MRPL48: variants seen among roughly 807,000 people sequenced by gnomAD.
The protein encoded by MRPL48 is large ribosomal subunit protein mL48.
MRPL48 carries 16 observed loss-of-function variants against 32.9 expected under a neutral mutation model. That is an observed-to-expected ratio of 0.49 (90% CI 0.33 to 0.74). MRPL48 has a LOEUF of 0.74. MRPL48 is among the 30% of genes least tolerant of loss of function. The probability of loss-of-function intolerance (pLI) is 0.02; values close to 1 mark genes in which losing one functional copy is unlikely to be tolerated. For missense variants in MRPL48, 206 were observed against 245.3 expected (o/e 0.84, Z 1.07); for synonymous variants, 94 against 89.2 (o/e 1.05, Z -0.31).
intron 4 of MRPL48, among the ~76,000 whole-genome samples, chr11:73,838,281 T>C (rs1196963331): frequency 1.3e-5 from 2 of 152,208 alleles, no homozygotes; most frequent in African/African-American, 4.8e-5. Flanking sequence ...CATCTGGTAT[T>C]ATATGCAGTT....
At chr11:73,833,891 CTG>C (rs1195740465) in intron 4 of MRPL48, among the ~76,000 whole-genome samples, 1 of 152,130 alleles carries the variant, frequency 6.6e-6, no homozygotes, top group Non-Finnish European at 1.5e-5. Context: ...TGGGCTCACT[CTG>C]TCATCTAGGC....
chr11:73,852,673 T>C (rs1315013715), intron 5 of MRPL48, among the ~76,000 whole-genome samples: 1 of 152,178 alleles, frequency 6.6e-6, no homozygotes, highest in Non-Finnish European at 1.5e-5. Context: ...ACAACCATTA[T>C]GGAGAACAGT....
intron 5 of MRPL48, among the ~76,000 whole-genome samples, chr11:73,856,572 A>T (rs1948484942): frequency 2.0e-5 from 3 of 152,178 alleles, no homozygotes. Flanking sequence ...TCCAAGCCTG[A>T]AGTTGAACCA....
At chr11:73,834,003 C>T (rs778486366) in intron 4 of MRPL48, among the ~76,000 whole-genome samples, 16 of 151,958 alleles carry the variant, frequency 1.1e-4, no homozygotes, top group South Asian at 2.1e-4. Context: ...ATTATAGGTG[C>T]GCCCCACCAC....
chr11:73,836,822 C>G (rs1424613503), intron 4 of MRPL48, among the ~76,000 whole-genome samples: 1 of 152,124 alleles, frequency 6.6e-6, no homozygotes, highest in African/African-American at 2.4e-5. Flanking sequence ...GAAACTGAGG[C>G]CTAGAAAGGT....
rs66515925 is a variant in MRPL48 at position 73,825,284 on chromosome 11, ATGTGTGTGTG to A, written c.113-394_113-385del. ...CTTACTGTTACCTTGTTTTTTATAT[ATGTGTGTGTG>A]TGTGTGTGTGTGTGTGTGTGTGTGT... On this transcript the variant is annotated intron_variant, in intron 3 of 7. Coordinates refer to ENST00000310614, the MANE Select transcript of MRPL48 (RefSeq NM_016055.6). Among the ~76,000 whole-genome samples, 29 of 139,914 alleles carry A rather than the reference ATGTGTGTGTG, an allele frequency of 2.1e-4. 2 individuals carry two copies. Among genetic ancestry groups the A allele is most frequent in the Admixed American group, 1.2e-3 (17 of 13,734 alleles). 91.8% of individuals were successfully genotyped at this position (139,914 alleles called of 152,430 possible).
intron 3 of MRPL48, among the ~76,000 whole-genome samples, chr11:73,817,003 A>AT (rs1005809465): frequency 5.5e-5 from 8 of 145,304 alleles, no homozygotes; most frequent in African/African-American, 7.6e-5. Context: ...TTGTTTTTGT[A>AT]TTTTTTTTAA....
chr11:73,832,096 C>G (rs1948007732), intron 4 of MRPL48, among the ~76,000 whole-genome samples: 1 of 152,014 alleles, frequency 6.6e-6, no homozygotes, highest in South Asian at 2.1e-4. Flanking sequence ...TGAAAATTGC[C>G]AAGAGAAAGA....
intron 1 of MRPL48, chr11:73,801,973 T>A (rs965585222): frequency 6.6e-6 from 1 of 152,180 alleles, no homozygotes; most frequent in African/African-American, 2.4e-5. Context: ...GCTCTGAGGA[T>A]CTCTTGGTTT....
At chr11:73,828,445 C>T (rs1031788008) in intron 4 of MRPL48, among the ~76,000 whole-genome samples, 3 of 151,998 alleles carry the variant, frequency 2.0e-5, no homozygotes, top group African/African-American at 7.2e-5. Flanking sequence ...AGACTGGTCT[C>T]AAACTCCTGA....
chr11:73,800,263 G>A (rs973329862), intron 1 of MRPL48, among the ~76,000 whole-genome samples: 17 of 151,828 alleles, frequency 1.1e-4, no homozygotes, highest in African/African-American at 3.9e-4. Flanking sequence ...AAATTAAAAA[G>A]ACAAATAGTA....
At chr11:73,815,062 A>G (rs1947639779) in intron 3 of MRPL48, among the ~76,000 whole-genome samples, 1 of 152,154 alleles carries the variant, frequency 6.6e-6, no homozygotes, top group African/African-American at 2.4e-5. Flanking sequence ...GTGGAGCATG[A>G]ATATAGTTTC....
chr11:73,829,756 G>A (rs1440625151), intron 4 of MRPL48, among the ~76,000 whole-genome samples: 1 of 151,582 alleles, frequency 6.6e-6, no homozygotes, highest in Non-Finnish European at 1.5e-5. Flanking sequence ...TCATCTGAGT[G>A]TTTTTATTGT....
chr11:73,840,747 A>C (rs1357152559), intron 4 of MRPL48, among the ~76,000 whole-genome samples: 1 of 151,910 alleles, frequency 6.6e-6, no homozygotes, highest in Non-Finnish European at 1.5e-5. Flanking sequence ...TGATGCACCC[A>C]CCTCGGCCTC....
intron 4 of MRPL48, among the ~76,000 whole-genome samples, chr11:73,836,388 G>A (rs1302332243): frequency 1.3e-5 from 2 of 152,112 alleles, no homozygotes; most frequent in East Asian, 1.9e-4. Flanking sequence ...TAGTAGAGAC[G>A]GGTTTTCACC....
At chr11:73,807,631 CTT>C (rs777408873) in intron 2 of MRPL48, among the ~76,000 whole-genome samples, 62 of 106,808 alleles carry the variant, frequency 5.8e-4, no homozygotes, top group African/African-American at 2.2e-3. Context: ...GTATTATTAT[CTT>C]TTTTTTTTTT....
chr11:73,832,180 C>T (rs756982460), intron 4 of MRPL48, among the ~76,000 whole-genome samples: 63 of 152,216 alleles, frequency 4.1e-4, no homozygotes, highest in Non-Finnish European at 7.9e-4. Context: ...GGCCTTGGAG[C>T]AAGAGAGTTA....
At chr11:73,846,937 GC>G (rs1948303197) in intron 5 of MRPL48, among the ~76,000 whole-genome samples, 1 of 151,214 alleles carries the variant, frequency 6.6e-6, no homozygotes, top group Admixed American at 6.6e-5. Context: ...TAGAGATGGG[GC>G]CTCACTTTGT....
At chr11:73,792,705 C>T (rs549558323) in intron 1 of MRPL48, among the ~76,000 whole-genome samples, 2 of 152,270 alleles carry the variant, frequency 1.3e-5, no homozygotes, top group Admixed American at 1.3e-4. Context: ...AGACCACAGG[C>T]CCTGGAGGAG....
Sources: allele counts gnomAD v4.1 joint callset (sites outside exome capture counted in the v4.1 genomes callset), GRCh38; gene constraint gnomAD v4.1.1; transcripts MANE v1.5; gene names NCBI Gene and HGNC (gene_info 2026-07-23, HGNC 2026-07-21).